The following PRAMEF20 variants were observed in gnomAD, a reference collection of about 807,000 sequenced individuals.
PRAMEF20 encodes the protein PRAME family member 20/21.
Under a neutral mutation model 32.4 loss-of-function variants are expected in PRAMEF20, and 27 were observed. The ratio of observed to expected loss-of-function variants is 0.83; its 90% CI spans 0.61 to 1.15. The LOEUF (loss-of-function observed/expected upper bound fraction) is 1.15, where lower values mean the gene tolerates loss of function less well. Among genes scored for constraint, PRAMEF20 ranks in the 50% most tolerant of loss-of-function variants. The pLI is 0.00. For synonymous variants in PRAMEF20, 256 were observed against 235.4 expected (o/e 1.09, Z -0.80); for missense variants, 604 against 584.5 (o/e 1.03, Z -0.34).
chr1:13,411,499 C>T (rs201526272), upstream of PRAMEF20, among the ~76,000 whole-genome samples: 2 of 152,102 alleles, frequency 1.3e-5, no homozygotes, highest in African/African-American at 2.4e-5. Context: ...CCTACAATTG[C>T]GGTTTTGTAA....
chr1:13,415,830 G>A (rs1376973332), upstream of PRAMEF20, among the ~76,000 whole-genome samples: 6 of 151,276 alleles, frequency 4.0e-5, no homozygotes, highest in African/African-American at 1.5e-4. Flanking sequence ...GGAGGGATGA[G>A]GGAAAGAAGG....
Position 13,421,250 on chromosome 1 carries a change from T to TG in PRAMEF20, c.1421dup (p.Cys474TrpfsTer25). 1 of 1,613,864 alleles carries TG rather than the reference T, an allele frequency of 6.2e-7. No homozygotes were observed. The highest frequency in any genetic ancestry group is 8.5e-7 in the Non-Finnish European group (1 of 1,179,852). The stretch of plus-strand genomic sequence containing the variant: ...TTACGACCTGGAGGTAGATCGGTGT[T>TG]GCTGTTGAATGCCTGCCTATTTGGG... On this transcript the variant is annotated frameshift_variant, in exon 3 of 3. Transcript: ENST00000602960. LOFTEE classifies it high-confidence loss of function.
chr1:13,421,199 T>A, exon 3 of PRAMEF20: 1 of 1,613,958 alleles, frequency 6.2e-7, no homozygotes, highest in Non-Finnish European at 8.5e-7. Flanking sequence ...TACCGACTAC[T>A]GCCCTCAGTG....
chr1:13,415,535 C>T (rs1641159980), upstream of PRAMEF20, among the ~76,000 whole-genome samples: 2 of 151,708 alleles, frequency 1.3e-5, no homozygotes, highest in Admixed American at 6.6e-5. Context: ...AATCCCAGCA[C>T]TTTGGGAGGC....
At chr1:13,417,847 T>C (rs1641195246) in intron 1 of PRAMEF20, among the ~76,000 whole-genome samples, 1 of 150,012 alleles carries the variant, frequency 6.7e-6, no homozygotes, top group East Asian at 2.1e-4. Context: ...GTTCACATTA[T>C]TCTCCTGCCT....
rs1489943220 is a variant in PRAMEF20 at position 13,418,415 on chromosome 1, A to G, written c.581A>G (p.Asn194Ser). Residue 194 changes from asparagine (N) to serine (S), a missense_variant, in exon 2 of 3, where the codon AAT becomes AGT. Transcript: ENST00000602960. ...AAAATGTTGGGAATGCTCTTCCACA[A>G]TATCAGAAACATCCTGAAAACAGTC... The G allele has an allele frequency of 5.6e-6, 9 of 1,613,924 alleles. No individual in the cohort carries two copies. In the East Asian group the frequency reaches 1.8e-4, roughly 32 times the overall value.
chr1:13,420,767 C>T lies in PRAMEF20; in HGVS notation c.937C>T (p.Leu313=), dbSNP rs2100439561. The change falls in exon 3 of 3, where the codon CTG becomes TTG. Residue 313 remains leucine, a synonymous_variant. Coordinates refer to ENST00000602960, the Ensembl canonical transcript of PRAMEF20. ...GCTTTTGGAATCAGACTTGAAGCAT[C>T]TGTCCAAGTACCCGAGCATTGGTCA... 1.9e-6 allele frequency: 3 copies of T among 1,613,966 alleles called. No homozygotes were observed. In the South Asian group the frequency reaches 3.3e-5, roughly 18 times the overall value.
At chr1:13,419,884 G>T (rs1641223260) in intron 2 of PRAMEF20, among the ~76,000 whole-genome samples, 1 of 152,140 alleles carries the variant, frequency 6.6e-6, no homozygotes, top group Non-Finnish European at 1.5e-5. Flanking sequence ...GTCATAATGG[G>T]TTGTTTTGAG....
At chr1:13,415,172 C>T (rs1641156562), upstream of PRAMEF20, among the ~76,000 whole-genome samples, 14 of 151,766 alleles carry the variant, frequency 9.2e-5, no homozygotes, top group South Asian at 2.9e-3. Flanking sequence ...CTCCGCCTCC[C>T]GGGTTCAAGT....
upstream of PRAMEF20, among the ~76,000 whole-genome samples, chr1:13,414,727 A>G (rs1190447838): frequency 1.3e-5 from 2 of 152,038 alleles, no homozygotes; most frequent in Non-Finnish European, 2.9e-5. Context: ...AGCCTCTCAA[A>G]GTGCTGGGAT....
intron 1 of PRAMEF20, 148 bp downstream of exon 2, chr1:13,416,789 C>A: frequency 1.3e-6 from 2 of 1,537,700 alleles, no homozygotes; most frequent in Admixed American, 2.2e-5. Context: ...GGCCATTGCC[C>A]AGCTCCTCAG....
At chr1:13,414,632 TG>T (rs1641146264), upstream of PRAMEF20, among the ~76,000 whole-genome samples, 4 of 151,350 alleles carry the variant, frequency 2.6e-5, no homozygotes, top group Admixed American at 1.3e-4. Flanking sequence ...CTAATTTTTG[TG>T]GGTTTTTTTT....
chr1:13,417,098 C>A (rs2100433605), intron 1 of PRAMEF20, among the ~76,000 whole-genome samples: 1 of 152,232 alleles, frequency 6.6e-6, no homozygotes, highest in African/African-American at 2.4e-5. Flanking sequence ...GGCACGGACC[C>A]AAAGAGTGAG....
exon 1 of PRAMEF20, chr1:13,416,621 T>A (rs757293894): frequency 1.2e-6 from 2 of 1,614,128 alleles, no homozygotes; most frequent in East Asian, 2.2e-5. Flanking sequence ...ATGCACTGCT[T>A]ACCCACAGGG....
exon 2 of PRAMEF20, chr1:13,418,129 A>G: frequency 6.2e-7 from 1 of 1,612,258 alleles, no homozygotes; most frequent in Non-Finnish European, 8.5e-7. Context: ...CAGGAGGTGG[A>G]AACTTCAAGT....
At position 13,418,606 on chromosome 1, in the gene PRAMEF20, C is replaced by A. The variant is rs1641209047; in HGVS notation, c.772C>A (p.Gln258Lys). Reference sequence around the variant, plus strand: ...AGAGCAGAAGAAGGAGTTTGTTACCCAGTTCACCACTCAGTTCCTCAAGCT... The same window carrying A: ...AGAGCAGAAGAAGGAGTTTGTTACCAAGTTCACCACTCAGTTCCTCAAGCT... The change falls in exon 2 of 3, where the codon CAG (glutamine) becomes AAG (lysine). Residue 258 changes from glutamine to lysine, a missense_variant. By Grantham distance (53) the Gln-to-Lys change is moderately conservative. Coordinates refer to ENST00000602960, the Ensembl canonical transcript of PRAMEF20. 3 of 1,613,988 alleles carry A rather than the reference C, an allele frequency of 1.9e-6. No individual in the cohort carries two copies. The South Asian group carries it at 3.3e-5, about 18-fold the overall frequency.
exon 1 of PRAMEF20, chr1:13,416,470 T>C (rs1389651496): frequency 1.2e-6 from 2 of 1,613,738 alleles, no homozygotes; most frequent in East Asian, 2.2e-5. Context: ...TTTCCCCCAT[T>C]GTTCATGGAG....
At position 13,419,242 on chromosome 1, in the gene PRAMEF20, C is replaced by T. The variant is rs1470864246; in HGVS notation, c.866+542C>T. ...GATCTTGGCTCGCTGCAACCTCTGC[C>T]TCCTGGGTTCAAGCAATTCTCCTGC... is the stretch of plus-strand genomic sequence containing the variant. On this transcript the variant is annotated intron_variant, in intron 2 of 2. Transcript: ENST00000602960. Among the ~76,000 whole-genome samples, 3 of 152,274 alleles carry T rather than the reference C, an allele frequency of 2.0e-5. No homozygotes were observed. In the East Asian group the frequency reaches 5.8e-4, roughly 29 times the overall value.
rs71272484 is a variant in PRAMEF20 at position 13,417,910 on chromosome 1, TTGTGTGTGTGTGTG to T, written c.288-182_288-169del. 6.4e-3 allele frequency among the ~76,000 whole-genome samples: 801 copies of T among 124,298 alleles called. 7 individuals are homozygous for T. Among genetic ancestry groups the T allele is most frequent in the Non-Finnish European group, 9.1e-3 (537 of 59,072 alleles). 81.5% of individuals were successfully genotyped at this position (124,298 alleles called of 152,430 possible). A position where few individuals can be genotyped will look rare whatever the true frequency, so the allele number is the denominator to read the frequency against. On this transcript the variant is annotated intron_variant, in intron 1 of 2. Coordinates refer to ENST00000602960, the Ensembl canonical transcript of PRAMEF20. ...GCGCCCGCCACCACGCCCGGCTAAT[TTGTGTGTGTGTGTG>T]TGTGTGTGTGTGTGTGTGTGTGTGT... is the stretch of plus-strand genomic sequence containing the variant.
Sources: allele counts gnomAD v4.1 joint callset (sites outside exome capture counted in the v4.1 genomes callset), GRCh38; gene constraint gnomAD v4.1.1; transcripts MANE v1.5; gene names NCBI Gene and HGNC (gene_info 2026-07-23, HGNC 2026-07-21).